PVT1: variants seen among roughly 807,000 people sequenced by gnomAD.
PVT1 encodes the protein CXCR4/PVT1 fusion.
At position 127,950,537 on chromosome 8, in the gene PVT1, G is replaced by A. The variant is rs187781622; in HGVS notation, n.783-38625G>A. On this transcript the variant is annotated intron_variant and non_coding_transcript_variant, in intron 3 of 10. Transcript: ENST00000651587. ...TTTCCCACTGTCTCAAATAAGCACC[G>A]GGGCCCAGGGGTCACCAGGCTCAGA... 2.6e-4 allele frequency among the ~76,000 whole-genome samples: 40 copies of A among 152,300 alleles called. No individual in the cohort carries two copies. The East Asian group carries it at 5.0e-3, about 19-fold the overall frequency.
chr8:127,814,624 A>C (rs1003549195), intron 2 of PVT1, among the ~76,000 whole-genome samples: 14 of 152,212 alleles, frequency 9.2e-5, no homozygotes, highest in African/African-American at 3.4e-4. Flanking sequence ...TGAGGCACAG[A>C]CAGTTTATTT....
intron 5 of PVT1, among the ~76,000 whole-genome samples, chr8:128,083,138 C>T (rs1563682845): frequency 2.6e-5 from 4 of 152,200 alleles, no homozygotes; most frequent in Admixed American, 2.6e-4. Context: ...TTCTCTGTGA[C>T]TCGCTTTTCT....
At chr8:128,021,280 A>G (rs1444657068) in intron 4 of PVT1, among the ~76,000 whole-genome samples, 1 of 133,964 alleles carries the variant, frequency 7.5e-6, no homozygotes, top group Non-Finnish European at 1.6e-5. Context: ...CCGATTCCCC[A>G]GGACTTGTGC....
intron 3 of PVT1, among the ~76,000 whole-genome samples, chr8:127,988,638 T>C (rs2114357): frequency 0.87 from 132,683 of 152,266 alleles, 58,149 homozygotes; most frequent in African/African-American, 0.97. Context: ...CACATGTTAC[T>C]AGATGACAGT....
At chr8:128,079,184 C>T (rs910884940) in intron 5 of PVT1, among the ~76,000 whole-genome samples, 1 of 151,994 alleles carries the variant, frequency 6.6e-6, no homozygotes, top group Non-Finnish European at 1.5e-5. Flanking sequence ...CTTTCTTCCC[C>T]TTCTGTAAAT....
chr8:127,978,666 A>T (rs571994268), intron 3 of PVT1, among the ~76,000 whole-genome samples: 105 of 152,104 alleles, frequency 6.9e-4, no homozygotes, highest in African/African-American at 2.5e-3. Flanking sequence ...TTGTGGTTTT[A>T]GTAGAGATGA....
At chr8:128,006,610 C>T (rs1443939227) in intron 4 of PVT1, among the ~76,000 whole-genome samples, 1 of 152,162 alleles carries the variant, frequency 6.6e-6, no homozygotes, top group Non-Finnish European at 1.5e-5. Context: ...TAATTCTTGT[C>T]TGAAACAGTT....
At chr8:127,813,728 C>G (rs2129665804) in intron 2 of PVT1, among the ~76,000 whole-genome samples, 1 of 152,266 alleles carries the variant, frequency 6.6e-6, no homozygotes, top group East Asian at 1.9e-4. Flanking sequence ...TGCTGCACAC[C>G]TCACCTCTGG....
intron 5 of PVT1, chr8:128,096,515 C>T (rs955783082): frequency 6.6e-6 from 1 of 151,750 alleles, no homozygotes; most frequent in Non-Finnish European, 1.5e-5. Flanking sequence ...TCTTTCTCTC[C>T]AGAAGGACAG....
At chr8:128,015,072 TTTATTTATTTATTTATTTA>T (rs1418627751) in intron 4 of PVT1, among the ~76,000 whole-genome samples, 126 of 150,626 alleles carry the variant, frequency 8.4e-4, no homozygotes, top group African/African-American at 2.9e-3. Context: ...TATTTATTTA[TTTATTTATTTATTTATTTA>T]TTATTTATTT....
In PVT1 at chr8:127,959,999, T is replaced by C. The variant is rs140508492; in HGVS notation, n.783-29163T>C. Among the ~76,000 whole-genome samples the C allele has an allele frequency of 2.0e-3, 300 of 152,350 alleles. 1 individual carries two copies. The highest frequency in any genetic ancestry group is 3.4e-3 in the Middle Eastern group (1 of 294). On this transcript the variant is annotated intron_variant and non_coding_transcript_variant, in intron 3 of 10. Coordinates refer to ENST00000651587, the Ensembl canonical transcript of PVT1. ...CTTCTGGCCTTCCCCGGATGCAGTA[T>C]GTGATTCCTGGAAGGGGTCTCCTGT... is the stretch of plus-strand genomic sequence containing the variant.
intron 4 of PVT1, among the ~76,000 whole-genome samples, chr8:128,005,314 A>G (rs1645841549): frequency 6.6e-6 from 1 of 152,168 alleles, no homozygotes; most frequent in South Asian, 2.1e-4. Flanking sequence ...GTGTGGCCCA[A>G]GACAATTCTT....
intron 3 of PVT1, among the ~76,000 whole-genome samples, chr8:127,936,034 CTTTTTTTTTTTT>C (rs937905808): frequency 1.1e-4 from 11 of 101,252 alleles, no homozygotes; most frequent in South Asian, 3.5e-4. Flanking sequence ...CTCTCTCTCT[CTTTTTTTTTTTT>C]TTTTTTTTTT....
chr8:128,028,277 A>C (rs1266785930), intron 4 of PVT1, among the ~76,000 whole-genome samples: 2 of 152,198 alleles, frequency 1.3e-5, no homozygotes, highest in Non-Finnish European at 2.9e-5. Context: ...GGCTGCTCCC[A>C]GGCCCATTCA....
intron 3 of PVT1, among the ~76,000 whole-genome samples, chr8:127,905,860 C>T (rs182420537): frequency 3.3e-4 from 50 of 152,322 alleles, no homozygotes; most frequent in African/African-American, 1.0e-3. Context: ...GCTGGCTGGC[C>T]TGGATTGAAT....
At chr8:127,949,653 C>T (rs567775681) in intron 3 of PVT1, among the ~76,000 whole-genome samples, 5 of 152,102 alleles carry the variant, frequency 3.3e-5, no homozygotes, top group Admixed American at 2.0e-4. Flanking sequence ...CATGGTTAAA[C>T]CAATGGGGGT....
intron 4 of PVT1, among the ~76,000 whole-genome samples, chr8:128,051,830 T>G (rs1338327746): frequency 1.3e-5 from 2 of 152,218 alleles, no homozygotes; most frequent in Non-Finnish European, 2.9e-5. Flanking sequence ...CTACTTTGTT[T>G]ATGTATTGTT....
intron 2 of PVT1, among the ~76,000 whole-genome samples, chr8:127,806,299 A>G (rs1469097473): frequency 6.6e-6 from 1 of 152,142 alleles, no homozygotes; most frequent in African/African-American, 2.4e-5. Flanking sequence ...CATTTCTACT[A>G]AAAATACAAA....
At chr8:127,997,510 G>A (rs1428559411) in intron 4 of PVT1, among the ~76,000 whole-genome samples, 6 of 152,122 alleles carry the variant, frequency 3.9e-5, no homozygotes, top group African/African-American at 7.2e-5. Flanking sequence ...TCACCGTGTG[G>A]AGCAAAAATT....
Sources: gnomAD v4.1 joint callset for allele counts (sites outside exome capture counted in the v4.1 genomes callset) on GRCh38, gnomAD v4.1.1 for gene constraint, MANE v1.5 for transcripts, NCBI Gene and HGNC (gene_info 2026-07-23, HGNC 2026-07-21) for gene names.